Variants in PLEKHB2 observed in about 807,000 individuals in gnomAD.
The protein encoded by PLEKHB2 is pleckstrin homology domain-containing family B member 2.
In PLEKHB2, 31 loss-of-function variants were observed where a neutral mutation model predicts 36.5. That is an observed-to-expected ratio of 0.85 (90% CI 0.64 to 1.15). PLEKHB2 has a LOEUF of 1.15. PLEKHB2 is among the 50% of genes most tolerant of loss of function. The pLI is 0.00. For synonymous variants in PLEKHB2, 119 were observed against 112.0 expected (o/e 1.06, Z -0.39); for missense variants, 262 against 295.3 (o/e 0.89, Z 0.83).
Position 131,132,927 on chromosome 2 carries a change from C to A in PLEKHB2, c.359C>A (p.Thr120Asn). 1 of 1,613,392 alleles carries A rather than the reference C, an allele frequency of 6.2e-7. No homozygotes were observed. The highest frequency in any genetic ancestry group is 8.5e-7 in the Non-Finnish European group (1 of 1,179,306). ...NTAYVGSAVM[T>N]DETSVVSSPP... ...GCGTATGTGGGCTCTGCAGTCATGA[C>A]CGATGAGACATCCGTGGTTTCCTCA... The change falls in exon 6 of 8, where the codon ACC becomes AAC. Residue 120 changes from threonine to asparagine, a missense_variant. Transcript: ENST00000693505.
chr2:131,144,447 G>C (rs1699089524), intron 7 of PLEKHB2: 1 of 1,218,422 alleles, frequency 8.2e-7, no homozygotes, highest in Admixed American at 4.2e-5. Context: ...GCAGTTTCCA[G>C]GGGTAAGTCC....
intron 1 of PLEKHB2, among the ~76,000 whole-genome samples, chr2:131,110,785 A>G (rs940538478): frequency 1.3e-5 from 2 of 151,976 alleles, no homozygotes; most frequent in Non-Finnish European, 1.5e-5. Flanking sequence ...GATCCTTTAT[A>G]TATGCTTTTT....
chr2:131,106,305 G>A (rs928437508), intron 1 of PLEKHB2, among the ~76,000 whole-genome samples: 5 of 152,180 alleles, frequency 3.3e-5, no homozygotes, highest in Non-Finnish European at 7.3e-5. Context: ...TTAGGAAAGG[G>A]TGGAACCACC....
chr2:131,136,286 G>A (rs1698249530), intron 6 of PLEKHB2, among the ~76,000 whole-genome samples: 3 of 150,416 alleles, frequency 2.0e-5, no homozygotes, highest in Admixed American at 2.0e-4. Flanking sequence ...GAGTGCAGTG[G>A]TACTATCATT....
chr2:131,139,261 A>G (rs1698548407), intron 6 of PLEKHB2, among the ~76,000 whole-genome samples: 2 of 152,128 alleles, frequency 1.3e-5, no homozygotes, highest in Non-Finnish European at 2.9e-5. Flanking sequence ...CTCAGGTGCT[A>G]AAGTTCCTCT....
At chr2:131,116,609 A>T (rs1173124789) in intron 1 of PLEKHB2, among the ~76,000 whole-genome samples, 1 of 152,164 alleles carries the variant, frequency 6.6e-6, no homozygotes, top group Non-Finnish European at 1.5e-5. Context: ...GAACTCTATC[A>T]CAAGACCAGC....
chr2:131,140,539 C>T (rs920747454), intron 7 of PLEKHB2, among the ~76,000 whole-genome samples: 1 of 152,188 alleles, frequency 6.6e-6, no homozygotes, highest in Non-Finnish European at 1.5e-5. Flanking sequence ...TTGGGATTCA[C>T]TTACATTAAG....
At chr2:131,129,453 T>C (rs1346290104) in intron 4 of PLEKHB2, among the ~76,000 whole-genome samples, 3 of 149,376 alleles carry the variant, frequency 2.0e-5, no homozygotes, top group Admixed American at 6.7e-5. Context: ...ATAAGAGGGA[T>C]AGGGTCAGTA....
At chr2:131,116,230 TACTC>T (rs1286256966) in intron 1 of PLEKHB2, among the ~76,000 whole-genome samples, 2 of 152,218 alleles carry the variant, frequency 1.3e-5, no homozygotes, top group South Asian at 2.1e-4. Context: ...TTTTGAATCT[TACTC>T]AAGTGGCCCG....
intron 7 of PLEKHB2, among the ~76,000 whole-genome samples, chr2:131,142,959 A>T (rs1698942214): frequency 6.6e-6 from 1 of 152,038 alleles, no homozygotes; most frequent in South Asian, 2.1e-4. Flanking sequence ...TGACTTTCCG[A>T]TGGTGCGAAA....
intron 1 of PLEKHB2, among the ~76,000 whole-genome samples, chr2:131,111,302 A>T (rs112464048): frequency 6.6e-6 from 1 of 150,784 alleles, no homozygotes; most frequent in Admixed American, 6.6e-5. Flanking sequence ...CACTGTGCCC[A>T]GCCAGCAGAA....
intron 1 of PLEKHB2, among the ~76,000 whole-genome samples, chr2:131,106,396 C>T (rs1472989836): frequency 1.3e-5 from 2 of 152,104 alleles, no homozygotes; most frequent in African/African-American, 4.8e-5. Flanking sequence ...AGTACCAATT[C>T]AGGAAGTGAC....
At chr2:131,114,823 T>A (rs1695688026) in intron 1 of PLEKHB2, among the ~76,000 whole-genome samples, 1 of 152,194 alleles carries the variant, frequency 6.6e-6, no homozygotes, top group African/African-American at 2.4e-5. Context: ...ACTCAGCAAG[T>A]CTCTAGGAAG....
chr2:131,105,739 C>T (rs77185222), intron 1 of PLEKHB2, among the ~76,000 whole-genome samples: 94 of 152,300 alleles, frequency 6.2e-4, no homozygotes, highest in African/African-American at 2.2e-3. Context: ...CCCCTCCTCT[C>T]CGGCCCCGCG....
rs187241759 is a variant in PLEKHB2, at chr2:131,138,463, C to T, written c.424-1704C>T. On this transcript the variant is annotated intron_variant, in intron 6 of 7. Transcript: ENST00000693505. The stretch of plus-strand genomic sequence containing the variant: ...AAATGGCTTTTGATCAAAAGCTGGA[C>T]ATTTTAAGTACTGTAAGACTCTGAA... Among the ~76,000 whole-genome samples, 415 of 152,234 alleles carry T rather than the reference C, an allele frequency of 2.7e-3. 1 individual carries two copies. The highest frequency in any genetic ancestry group is 4.3e-3 in the Non-Finnish European group (295 of 68,014).
chr2:131,132,990 A>G lies in PLEKHB2; in HGVS notation c.422A>G (p.Glu141Gly). The G allele has an allele frequency of 6.2e-7, 1 of 1,610,764 alleles. No homozygotes were observed. Among genetic ancestry groups the G allele is most frequent in the Admixed American group, 1.7e-5 (1 of 60,000 alleles). ...PYTAYAAPAP[E>G]QAYGYGPYGG... is the part of the protein sequence containing the mutation. ...ACGGCCTATGCTGCACCGGCCCCTG[A>G]GGTAGGGAGAACCCTGAGCCTCCAG... The change falls in exon 6 of 8, where the codon GAG becomes GGG. Residue 141 changes from glutamate to glycine, a missense_variant and splice_region_variant. By Grantham distance (98) the Glu-to-Gly change is moderately conservative. Transcript: ENST00000693505.
intron 6 of PLEKHB2, among the ~76,000 whole-genome samples, chr2:131,137,650 T>C (rs757343086): frequency 3.5e-4 from 54 of 152,226 alleles, no homozygotes; most frequent in Non-Finnish European, 6.5e-4. Context: ...GTCTTTGCTC[T>C]TTTTGATAGT....
Position 131,143,971 on chromosome 2 carries a change from C to T in PLEKHB2, c.533-2666C>T, listed in dbSNP as rs181128857. On this transcript the variant is annotated intron_variant, in intron 7 of 7. Transcript: ENST00000693505. ...CACAGGCAGTACTCGGAATGCTTGCCGCCCACATAAGGGGCTGAGTCAGTA... is the reference window on the plus strand; with the variant it reads ...CACAGGCAGTACTCGGAATGCTTGCTGCCCACATAAGGGGCTGAGTCAGTA... 8.5e-5 allele frequency among the ~76,000 whole-genome samples: 13 copies of T among 152,286 alleles called. No homozygotes were observed. In the East Asian group the frequency reaches 1.7e-3, roughly 20 times the overall value.
intron 1 of PLEKHB2, among the ~76,000 whole-genome samples, chr2:131,106,051 G>C (rs977621429): frequency 6.6e-6 from 1 of 152,144 alleles, no homozygotes; most frequent in African/African-American, 2.4e-5. Context: ...AGTGCTTGGT[G>C]TACCTTATCT....
Sources: allele counts gnomAD v4.1 joint callset (sites outside exome capture counted in the v4.1 genomes callset), GRCh38; gene constraint gnomAD v4.1.1; transcripts MANE v1.5; gene names NCBI Gene and HGNC (gene_info 2026-07-23, HGNC 2026-07-21).